The following PLAC1 variants were observed in gnomAD, a reference collection of about 807,000 sequenced individuals.
PLAC1 encodes placenta associated 1.
For synonymous variants in PLAC1, 68 were observed against 62.1 expected (o/e 1.09, Z -0.44); for missense variants, 136 against 163.2 (o/e 0.83, Z 0.91).
chrX:134,668,380 C>A (rs775047341), intron 2 of PLAC1, among the ~76,000 whole-genome samples: 7 of 111,847 alleles, frequency 6.3e-5, no homozygotes, highest in Non-Finnish European at 1.1e-4. Flanking sequence ...GGAGTAATGA[C>A]AATATTCTGG....
At chrX:134,645,678 G>A (rs2078329591) in intron 1 of PLAC1, among the ~76,000 whole-genome samples, 1 of 112,080 alleles carries the variant, frequency 8.9e-6, no homozygotes, top group Non-Finnish European at 1.9e-5. Context: ...ACGATGTACA[G>A]TTGATTAATT....
At chrX:134,612,371 G>C (rs1054052528) in intron 1 of PLAC1, among the ~76,000 whole-genome samples, 15 of 112,094 alleles carry the variant, frequency 1.3e-4, no homozygotes, top group Non-Finnish European at 1.9e-5. Context: ...GCACAGTGCC[G>C]GACACATAGG....
At chrX:134,622,929 C>G (rs1261859489) in intron 1 of PLAC1, among the ~76,000 whole-genome samples, 3 of 111,773 alleles carry the variant, frequency 2.7e-5, no homozygotes, top group African/African-American at 9.8e-5. Context: ...TGTGGCCCAG[C>G]ATTTTATCTG....
At chrX:134,631,763 A>G (rs769629754) in intron 1 of PLAC1, among the ~76,000 whole-genome samples, 2 of 111,735 alleles carry the variant, frequency 1.8e-5, no homozygotes, top group Non-Finnish European at 3.8e-5. Flanking sequence ...AACACTTCTC[A>G]TCTGTGATAG....
intron 2 of PLAC1, among the ~76,000 whole-genome samples, chrX:134,693,968 A>G (rs985836014): frequency 5.4e-5 from 6 of 111,355 alleles, no homozygotes; most frequent in Non-Finnish European, 1.1e-4. Context: ...GTTGTAGGGG[A>G]AAAAAAACAA....
At chrX:134,583,962 C>G (rs1821894762) in intron 2 of PLAC1, among the ~76,000 whole-genome samples, 1 of 110,076 alleles carries the variant, frequency 9.1e-6, no homozygotes, top group African/African-American at 3.3e-5. Context: ...CTAGCCCAGG[C>G]CCATGCCTGA....
chrX:134,570,402 C>T (rs1417316368), intron 2 of PLAC1, among the ~76,000 whole-genome samples: 1 of 110,885 alleles, frequency 9.0e-6, no homozygotes, highest in Non-Finnish European at 1.9e-5. Context: ...GAGCTGTGGG[C>T]AGAATTCTAT....
At chrX:134,733,463 CAGAA>C (rs909624484) in exon 2 of PLAC1, 1 of 111,814 alleles carries the variant, frequency 8.9e-6, no homozygotes, top group Non-Finnish European at 1.9e-5. Flanking sequence ...GCCAGTCCAG[CAGAA>C]AGATACTTGC....
In PLAC1 at chrX:134,681,943, A is replaced by G. The variant is rs1489988041; in HGVS notation, n.174+51492T>C. On this transcript the variant is annotated intron_variant and non_coding_transcript_variant, in intron 2 of 2. Coordinates refer to the PLAC1 transcript ENST00000466797. The stretch of plus-strand genomic sequence containing the variant: ...TTCTCCAGCTTTTTGTTTTAAAATG[A>G]TGTTGTGTCCTCATATTGAGTCACA... 2.7e-5 allele frequency among the ~76,000 whole-genome samples: 3 copies of G among 111,918 alleles called. 1 individual carries two copies. Among genetic ancestry groups the G allele is most frequent in the African/African-American group, 3.3e-5 (1 of 30,746 alleles).
At chrX:134,750,925 TTTTATATATATATA>T (rs2043751858) in intron 1 of PLAC1, among the ~76,000 whole-genome samples, 1 of 19,533 alleles carries the variant, frequency 5.1e-5, no homozygotes, top group Admixed American at 1.2e-3. Flanking sequence ...ATATATATAT[TTTTATATATATATA>T]TTTATAAATA....
intron 2 of PLAC1, among the ~76,000 whole-genome samples, chrX:134,721,882 A>C (rs1243875183): frequency 1.8e-5 from 2 of 111,563 alleles, no homozygotes; most frequent in African/African-American, 3.3e-5. Context: ...AAAAATAAAA[A>C]TAAAAAAAGG....
intron 1 of PLAC1, chrX:134,760,394 G>A (rs190254741): frequency 9.0e-6 from 1 of 111,502 alleles, no homozygotes; most frequent in Non-Finnish European, 1.9e-5. Flanking sequence ...AAAATTTTCA[G>A]TTTAATTTGG....
At chrX:134,721,046 T>C (rs1440686799) in intron 2 of PLAC1, among the ~76,000 whole-genome samples, 1 of 112,732 alleles carries the variant, frequency 8.9e-6, no homozygotes, top group Non-Finnish European at 1.9e-5. Context: ...GCAAGTCATA[T>C]ATCTGATAAT....
At chrX:134,666,362 G>C (rs1426730671) in intron 2 of PLAC1, among the ~76,000 whole-genome samples, 1 of 111,093 alleles carries the variant, frequency 9.0e-6, no homozygotes, top group Non-Finnish European at 1.9e-5. Flanking sequence ...CAACTTGCTG[G>C]GGGACTGCCC....
intron 1 of PLAC1, among the ~76,000 whole-genome samples, chrX:134,655,825 C>T (rs1489947060): frequency 8.9e-6 from 1 of 112,215 alleles, no homozygotes; most frequent in Admixed American, 9.5e-5. Flanking sequence ...TAAACAGCAA[C>T]CTTAAAATGA....
chrX:134,613,481 G>T lies in PLAC1; in HGVS notation c.-130-11359C>A, dbSNP rs1168700027. On this transcript the variant is annotated intron_variant, in intron 1 of 2. Coordinates refer to ENST00000359237, the MANE Select transcript of PLAC1 (RefSeq NM_021796.4). Reference sequence around the variant, plus strand: ...TAACTTGCACATAAGTTAGGGCAGTGTCTATGTCAAAAGACCCTCTGTGAC... The same window carrying T: ...TAACTTGCACATAAGTTAGGGCAGTTTCTATGTCAAAAGACCCTCTGTGAC... 2.7e-5 allele frequency among the ~76,000 whole-genome samples: 3 copies of T among 110,811 alleles called. No homozygotes were observed. The East Asian group carries it at 8.5e-4, about 31-fold the overall frequency.
chrX:134,610,135 A>T (rs374976483), intron 1 of PLAC1, among the ~76,000 whole-genome samples: 3 of 110,532 alleles, frequency 2.7e-5, no homozygotes. Context: ...GCGCCACCAC[A>T]CCCGGATAAT....
chrX:134,669,566 G>A (rs752839711), intron 2 of PLAC1, among the ~76,000 whole-genome samples: 6 of 112,230 alleles, frequency 5.3e-5, no homozygotes, highest in African/African-American at 1.9e-4. Flanking sequence ...TCAGACAGAC[G>A]GAATACAGGA....
intron 2 of PLAC1, among the ~76,000 whole-genome samples, chrX:134,697,097 GTCTT>G (rs923176192): frequency 9.1e-6 from 1 of 110,414 alleles, no homozygotes; most frequent in African/African-American, 3.3e-5. Flanking sequence ...CAAGGCACAA[GTCTT>G]TCTTTCTCAC....
Sources: gnomAD v4.1 joint callset for allele counts (sites outside exome capture counted in the v4.1 genomes callset) on GRCh38, gnomAD v4.1.1 for gene constraint, MANE v1.5 for transcripts, NCBI Gene and HGNC (gene_info 2026-07-23, HGNC 2026-07-21) for gene names.